The following GPHN variants were observed in gnomAD, a reference collection of about 807,000 sequenced individuals.
GPHN encodes gephyrin.
A neutral mutation model predicts 95.5 loss-of-function variants in GPHN; 17 were observed. The ratio of observed to expected loss-of-function variants is 0.18; its 90% CI spans 0.12 to 0.27. The LOEUF (loss-of-function observed/expected upper bound fraction) is 0.27. Ranked by LOEUF, GPHN falls within the 10% of genes least tolerant of loss-of-function variation. The pLI is 1.00. For missense variants in GPHN, 660 were observed against 978.1 expected (o/e 0.67, Z 4.34); for synonymous variants, 320 against 322.5 (o/e 0.99, Z 0.08).
the GPHN span, among the ~76,000 whole-genome samples, chr14:67,274,748 C>G: frequency 6.6e-6 from 1 of 152,262 alleles, no homozygotes; most frequent in South Asian, 2.1e-4. Context: ...TTCTTCCCAT[C>G]CATGAGCATG....
intron 8 of GPHN, among the ~76,000 whole-genome samples, chr14:66,932,713 G>T (rs2066892135): frequency 6.6e-6 from 1 of 151,294 alleles, no homozygotes; most frequent in Non-Finnish European, 1.5e-5. Context: ...TTTATTCAAG[G>T]CCCAAGGGCT....
chr14:66,561,872 C>T (rs575674906), intron 1 of GPHN, among the ~76,000 whole-genome samples: 9 of 152,150 alleles, frequency 5.9e-5, no homozygotes, highest in Admixed American at 1.3e-4. Flanking sequence ...TCTGGGGGCT[C>T]GCAGGGAGAA....
At chr14:67,380,453 C>T in the GPHN span, among the ~76,000 whole-genome samples, 1 of 152,070 alleles carries the variant, frequency 6.6e-6, no homozygotes, top group Non-Finnish European at 1.5e-5. Context: ...AGTCAGATCA[C>T]TAAAATTTTG....
chr14:67,230,385 G>T, the GPHN span, among the ~76,000 whole-genome samples: 2 of 152,070 alleles, frequency 1.3e-5, no homozygotes, highest in Non-Finnish European at 2.9e-5. Context: ...TTTGAGATCA[G>T]CCTGGGTAAC....
the GPHN span, among the ~76,000 whole-genome samples, chr14:67,325,978 TC>T: frequency 4.1e-4 from 52 of 125,882 alleles, no homozygotes; most frequent in African/African-American, 1.4e-3. Context: ...CCGGCTCTTT[TC>T]TTTTTTTTTT....
chr14:66,883,889 C>T (rs2064050448), intron 5 of GPHN, among the ~76,000 whole-genome samples: 1 of 152,062 alleles, frequency 6.6e-6, no homozygotes, highest in Admixed American at 6.6e-5. Flanking sequence ...GACCCTGGAA[C>T]TTGGGTCAAT....
chr14:66,816,061 GA>G (rs1234410887), intron 3 of GPHN, among the ~76,000 whole-genome samples: 1 of 152,160 alleles, frequency 6.6e-6, no homozygotes, highest in Admixed American at 6.5e-5. Context: ...AAAAGAAAAA[GA>G]GGGGCATTAG....
intron 8 of GPHN, among the ~76,000 whole-genome samples, chr14:66,934,253 G>A (rs188911990): frequency 1.3e-5 from 2 of 152,126 alleles, no homozygotes; most frequent in South Asian, 2.1e-4. Flanking sequence ...GTGAAACTTG[G>A]TCAATGTACT....
the GPHN span, among the ~76,000 whole-genome samples, chr14:67,389,759 C>CACTT: frequency 6.6e-6 from 1 of 150,416 alleles, no homozygotes; most frequent in Non-Finnish European, 1.5e-5. Context: ...AAATACAAAA[C>CACTT]TAAAGTGTTT....
At chr14:67,446,688 C>A in the GPHN span, among the ~76,000 whole-genome samples, 1 of 152,076 alleles carries the variant, frequency 6.6e-6, no homozygotes, top group African/African-American at 2.4e-5. Context: ...GGAGGGAGAG[C>A]CACTATGCTG....
the GPHN span, chr14:67,592,741 G>A: frequency 7.2e-7 from 1 of 1,395,318 alleles, no homozygotes; most frequent in Non-Finnish European, 1.0e-6. Flanking sequence ...AAATCAAATA[G>A]CAAAGTCTAA....
chr14:67,457,180 A>G, the GPHN span, among the ~76,000 whole-genome samples: 1 of 152,224 alleles, frequency 6.6e-6, no homozygotes, highest in African/African-American at 2.4e-5. Flanking sequence ...ATAGGGTACT[A>G]TGCTTATTAG....
intron 3 of GPHN, among the ~76,000 whole-genome samples, chr14:66,810,878 T>C (rs1354136552): frequency 6.6e-6 from 1 of 152,178 alleles, no homozygotes; most frequent in Non-Finnish European, 1.5e-5. Context: ...CCCAAGTCTG[T>C]CTTACTCCCA....
the GPHN span, chr14:67,472,989 G>A: frequency 1.5e-4 from 29 of 192,746 alleles, 1 homozygote; most frequent in African/African-American, 6.1e-4. Context: ...GCAAGCACCT[G>A]AATATTGCCT....
the GPHN span, among the ~76,000 whole-genome samples, chr14:67,229,963 C>T: frequency 2.0e-5 from 3 of 152,154 alleles, no homozygotes; most frequent in African/African-American, 7.2e-5. Flanking sequence ...TTCCAACCTT[C>T]ACAATCAGGA....
At chr14:67,113,932 G>A (rs1487844933) in intron 16 of GPHN, among the ~76,000 whole-genome samples, 2 of 152,110 alleles carry the variant, frequency 1.3e-5, no homozygotes, top group African/African-American at 4.8e-5. Flanking sequence ...ATTTTTAAAA[G>A]TATTAATAAT....
chr14:67,706,480 C>T, the GPHN span, among the ~76,000 whole-genome samples: 1 of 152,146 alleles, frequency 6.6e-6, no homozygotes, highest in East Asian at 1.9e-4. Flanking sequence ...GGACATCAAT[C>T]AACATATGGA....
At chr14:67,232,275 G>T in the GPHN span, among the ~76,000 whole-genome samples, 1 of 152,174 alleles carries the variant, frequency 6.6e-6, no homozygotes, top group Non-Finnish European at 1.5e-5. Flanking sequence ...TAGATCATTT[G>T]CCTTGGGGGA....
intron 9 of GPHN, among the ~76,000 whole-genome samples, chr14:66,981,786 G>A (rs1346573889): frequency 6.6e-6 from 1 of 152,050 alleles, no homozygotes; most frequent in African/African-American, 2.4e-5. Context: ...TGGAGAGAAG[G>A]GGAGAAGGTC....
Sources: allele counts gnomAD v4.1 joint callset (sites outside exome capture counted in the v4.1 genomes callset), GRCh38; gene constraint gnomAD v4.1.1; transcripts MANE v1.5; gene names NCBI Gene and HGNC (gene_info 2026-07-23, HGNC 2026-07-21).